KCNC2: variants seen among roughly 807,000 people sequenced by gnomAD.
KCNC2 encodes the protein voltage-gated potassium channel KCNC2.
A neutral mutation model predicts 44.5 loss-of-function variants in KCNC2; 21 were observed. That is an observed-to-expected ratio of 0.47 (90% CI 0.33 to 0.68). KCNC2 has a LOEUF of 0.68. KCNC2 is among the 30% of genes least tolerant of loss of function. The pLI is 0.01. For missense variants in KCNC2, 589 were observed against 826.2 expected (o/e 0.71, Z 3.52); for synonymous variants, 391 against 339.1 (o/e 1.15, Z -1.68).
chr12:75,067,914 G>C (rs116757271), intron 2 of KCNC2, among the ~76,000 whole-genome samples: 2,073 of 151,458 alleles, frequency 0.014, 43 homozygotes, highest in African/African-American at 0.043. Flanking sequence ...TCTCCGTCTT[G>C]TGCATGTAGA....
intron 2 of KCNC2, among the ~76,000 whole-genome samples, chr12:75,188,237 A>C (rs1008345021): frequency 2.0e-5 from 3 of 152,214 alleles, no homozygotes; most frequent in African/African-American, 7.2e-5. Context: ...AATTAGAGTT[A>C]CAGTAGACTC....
At chr12:75,173,654 A>G (rs1204550064) in intron 2 of KCNC2, among the ~76,000 whole-genome samples, 1 of 151,902 alleles carries the variant, frequency 6.6e-6, no homozygotes, top group Non-Finnish European at 1.5e-5. Context: ...AAATATAAAC[A>G]TTCTAAATTA....
chr12:75,149,966 G>T (rs939962174), intron 2 of KCNC2, among the ~76,000 whole-genome samples: 2 of 151,726 alleles, frequency 1.3e-5, no homozygotes, highest in Admixed American at 6.6e-5. Flanking sequence ...CTTAGGTTAG[G>T]CATGGACATT....
At chr12:75,200,139 C>A (rs1256890540) in intron 2 of KCNC2, among the ~76,000 whole-genome samples, 1 of 151,764 alleles carries the variant, frequency 6.6e-6, no homozygotes, top group Non-Finnish European at 1.5e-5. Flanking sequence ...GGGATCAGAG[C>A]CTATCCTTCC....
chr12:75,055,613 C>T (rs942044814), intron 2 of KCNC2, among the ~76,000 whole-genome samples: 1 of 152,022 alleles, frequency 6.6e-6, no homozygotes, highest in African/African-American at 2.4e-5. Flanking sequence ...TGCATCATCC[C>T]AGGTAGTTTC....
intron 2 of KCNC2, among the ~76,000 whole-genome samples, chr12:75,155,037 C>T (rs1890661043): frequency 6.6e-6 from 1 of 151,596 alleles, no homozygotes; most frequent in African/African-American, 2.4e-5. Flanking sequence ...GACTTCATGA[C>T]CATCACCAAA....
Position 75,048,291 on chromosome 12 carries a change from T to C in KCNC2, c.1642A>G (p.Ser548Gly). 1.2e-6 allele frequency: 2 copies of C among 1,612,424 alleles called. No individual in the cohort carries two copies. The highest frequency in any genetic ancestry group is 2.2e-5 in the South Asian group (2 of 90,958). Residue 548 changes from serine to glycine, a missense_variant, in exon 4 of 5, where the codon AGT (serine) becomes GGT (glycine). This residue lies in a region of KCNC2 where 171 missense variants were observed against 182.4 expected (regional missense o/e 0.94). Transcript: ENST00000549446. ...SVLSGDDSTG[S>G]EPPLSPPERL... is the part of the protein sequence containing the mutation. Reference sequence around the variant, plus strand: ...TCTGGGGGTGATAGTGGCGGCTCACTTCCTGTACTGTCGTCACCTGATAAC... The same window carrying C: ...TCTGGGGGTGATAGTGGCGGCTCACCTCCTGTACTGTCGTCACCTGATAAC...
chr12:75,100,329 T>C (rs1886275301), intron 2 of KCNC2, among the ~76,000 whole-genome samples: 1 of 152,048 alleles, frequency 6.6e-6, no homozygotes, highest in Non-Finnish European at 1.5e-5. Context: ...GAAAATTATA[T>C]GAAAATAATA....
chr12:75,185,531 A>G (rs1029467198), intron 2 of KCNC2, among the ~76,000 whole-genome samples: 15 of 151,700 alleles, frequency 9.9e-5, no homozygotes, highest in Non-Finnish European at 2.9e-5. Flanking sequence ...CTTTTCCCTT[A>G]TGTTATGGGA....
intron 2 of KCNC2, among the ~76,000 whole-genome samples, chr12:75,091,969 CAT>C (rs1480186676): frequency 2.6e-5 from 4 of 151,482 alleles, no homozygotes; most frequent in African/African-American, 7.3e-5. Flanking sequence ...AAAAAATATA[CAT>C]GTTTCATTTC....
At chr12:75,077,231 GA>G (rs1884072177) in intron 2 of KCNC2, among the ~76,000 whole-genome samples, 1 of 152,114 alleles carries the variant, frequency 6.6e-6, no homozygotes, top group African/African-American at 2.4e-5. Flanking sequence ...AGAGTTGTAT[GA>G]GCATTTTCTG....
At chr12:75,149,356 T>A (rs1326332261) in intron 2 of KCNC2, among the ~76,000 whole-genome samples, 2 of 151,856 alleles carry the variant, frequency 1.3e-5, no homozygotes, top group Admixed American at 6.6e-5. Context: ...ATATTAGCCA[T>A]CTCATTATTT....
At chr12:75,141,332 T>C (rs2137405331) in intron 2 of KCNC2, among the ~76,000 whole-genome samples, 1 of 152,366 alleles carries the variant, frequency 6.6e-6, no homozygotes, top group African/African-American at 2.4e-5. Flanking sequence ...AGTTAACCTC[T>C]GCAACATTAG....
At chr12:75,060,041 G>A (rs1013992250) in intron 2 of KCNC2, among the ~76,000 whole-genome samples, 1 of 151,972 alleles carries the variant, frequency 6.6e-6, no homozygotes, top group African/African-American at 2.4e-5. Flanking sequence ...AATCAATAAA[G>A]GCAATCAAAA....
chr12:75,081,157 A>T (rs747890574), intron 2 of KCNC2, among the ~76,000 whole-genome samples: 58 of 152,132 alleles, frequency 3.8e-4, no homozygotes, highest in Non-Finnish European at 6.6e-4. Context: ...TTCTTTAGCA[A>T]TTTTTTTCCC....
chr12:75,155,293 C>T (rs1480987573), intron 2 of KCNC2, among the ~76,000 whole-genome samples: 1 of 151,818 alleles, frequency 6.6e-6, no homozygotes, highest in Non-Finnish European at 1.5e-5. Flanking sequence ...TTCTCAAGCA[C>T]TAGACTATTT....
intron 2 of KCNC2, among the ~76,000 whole-genome samples, chr12:75,166,394 T>A (rs1323528224): frequency 6.7e-6 from 1 of 150,004 alleles, no homozygotes; most frequent in Non-Finnish European, 1.5e-5. Flanking sequence ...AAATGATGGA[T>A]GGAACATCTA....
chr12:75,080,574 G>A (rs1019041832), intron 2 of KCNC2, among the ~76,000 whole-genome samples: 5 of 152,070 alleles, frequency 3.3e-5, no homozygotes, highest in African/African-American at 1.2e-4. Context: ...TCTCTGTAGC[G>A]AAAAGGCTGA....
At chr12:75,130,414 C>G (rs1364126389) in intron 2 of KCNC2, among the ~76,000 whole-genome samples, 2 of 152,066 alleles carry the variant, frequency 1.3e-5, no homozygotes, top group Non-Finnish European at 2.9e-5. Context: ...TCTCTCTCAT[C>G]CCAGGGCCTA....
Sources: allele counts gnomAD v4.1 joint callset (sites outside exome capture counted in the v4.1 genomes callset), GRCh38; gene constraint gnomAD v4.1.1; regional missense constraint gnomAD v4.1.1; transcripts MANE v1.5; gene names NCBI Gene and HGNC (gene_info 2026-07-23, HGNC 2026-07-21).